FNBP1: variants seen among roughly 807,000 people sequenced by gnomAD.
The protein encoded by FNBP1 is formin binding protein 1.
In FNBP1, 26 loss-of-function variants were observed where a neutral mutation model predicts 90.6. The ratio of observed to expected loss-of-function variants is 0.29; its 90% CI spans 0.21 to 0.40. The LOEUF (loss-of-function observed/expected upper bound fraction) is 0.40, where lower values mean the gene tolerates loss of function less well. Ranked by LOEUF, FNBP1 falls within the 10% of genes least tolerant of loss-of-function variation. The probability of loss-of-function intolerance (pLI) is 1.00; values close to 1 mark genes in which losing one functional copy is unlikely to be tolerated. For synonymous variants in FNBP1, 260 were observed against 265.2 expected, an observed-to-expected ratio of 0.98 and a Z score of 0.19; for missense variants, 635 against 768.0, an observed-to-expected ratio of 0.83 and a Z score of 2.05.
chr9:129,958,985 C>CAAAAAAAAAAAAAA lies in FNBP1; in HGVS notation c.346-446_346-433dup, dbSNP rs60640596. 3.3e-3 allele frequency among the ~76,000 whole-genome samples: 30 copies of CAAAAAAAAAAAAAA among 9,152 alleles called. 9 individuals are homozygous for CAAAAAAAAAAAAAA. Among genetic ancestry groups the CAAAAAAAAAAAAAA allele is most frequent in the South Asian group, 0.022 (2 of 90 alleles). 6.0% of individuals were successfully genotyped at this position (9,152 alleles called of 152,430 possible). A position where few individuals can be genotyped will look rare whatever the true frequency, so the allele number is the denominator to read the frequency against. ...TGGATGACACAGTGAAACTCTGCCT[C>CAAAAAAAAAAAAAA]AAAAAAAAAAAAAAAAAAAAAAGGA... On this transcript the variant is annotated intron_variant, in intron 4 of 16. Coordinates refer to ENST00000446176, the MANE Select transcript of FNBP1 (RefSeq NM_015033.3).
In FNBP1 at chr9:129,910,504, A is replaced by AAAG. The variant is rs1298095363; in HGVS notation, c.1186-1506_1186-1505insCTT. 6.3e-3 allele frequency among the ~76,000 whole-genome samples: 650 copies of AAAG among 103,900 alleles called. 64 individuals carry two copies. Among genetic ancestry groups the AAAG allele is most frequent in the South Asian group, 0.013 (40 of 3,030 alleles). 68.2% of individuals were successfully genotyped at this position (103,900 alleles called of 152,430 possible). ...CTCAAAAAAACAAAAAAAAAAAAAA[A>AAAG]AGAGAGAGAGAAATTTCTTCAAATA... On this transcript the variant is annotated intron_variant, in intron 11 of 16. Coordinates refer to ENST00000446176, the MANE Select transcript of FNBP1 (RefSeq NM_015033.3).
At chr9:130,036,013 CTCA>C (rs2059279488) in intron 1 of FNBP1, among the ~76,000 whole-genome samples, 1 of 151,906 alleles carries the variant, frequency 6.6e-6, no homozygotes, top group Admixed American at 6.6e-5. Context: ...CATATTTGGC[CTCA>C]TCATTAAAAA....
chr9:129,962,166 T>C (rs565745581), intron 4 of FNBP1, among the ~76,000 whole-genome samples: 4 of 152,324 alleles, frequency 2.6e-5, no homozygotes, highest in African/African-American at 7.2e-5. Context: ...GTGCCCCGCA[T>C]GCAGCTAACC....
At chr9:129,946,032 A>G (rs3983770) in intron 6 of FNBP1, among the ~76,000 whole-genome samples, 137,103 of 152,064 alleles carry the variant, frequency 0.9, 61,939 homozygotes, top group Non-Finnish European at 0.92. Flanking sequence ...AGCCGGGTGT[A>G]GTGGCGTACG....
chr9:129,983,699 T>C lies in FNBP1; in HGVS notation c.141-4325A>G, dbSNP rs7028957. On this transcript the variant is annotated intron_variant, in intron 2 of 16. Transcript: ENST00000446176. ...GGTGGCACATACCTGAAGCCCCAGC[T>C]ACTTGGGAGGGTGAGGCAGGAGAAT... Among the ~76,000 whole-genome samples, 1,346 of 152,052 alleles carry C rather than the reference T, an allele frequency of 8.9e-3. 21 individuals carry two copies. Among genetic ancestry groups the C allele is most frequent in the African/African-American group, 0.03 (1,264 of 41,450 alleles).
chr9:129,927,353 G>T lies in FNBP1; in HGVS notation c.643-12C>A, dbSNP rs751513927. The T allele has an allele frequency of 6.2e-7, 1 of 1,606,044 alleles. No homozygotes were observed. The highest frequency in any genetic ancestry group is 1.7e-5 in the Admixed American group (1 of 59,460). On this transcript the variant is annotated splice_polypyrimidine_tract_variant and intron_variant, in intron 7 of 16. Transcript: ENST00000446176. ...ATCTCTTGTATTTTCTGCAACATTA[G>T]ATTTTGTATAAAGTAAGTTTGGTCC...
intron 6 of FNBP1, among the ~76,000 whole-genome samples, chr9:129,945,298 C>A (rs558828460): frequency 9.9e-5 from 15 of 152,178 alleles, no homozygotes; most frequent in Non-Finnish European, 1.9e-4. Flanking sequence ...CAATAAAAAG[C>A]ATTTGAAACT....
chr9:130,006,444 G>C (rs929689937), intron 1 of FNBP1, among the ~76,000 whole-genome samples: 27 of 151,646 alleles, frequency 1.8e-4, no homozygotes, highest in African/African-American at 6.5e-4. Flanking sequence ...GCAGTGAGCT[G>C]AGATTATGCC....
chr9:129,925,631 T>C (rs1465062057), intron 8 of FNBP1, among the ~76,000 whole-genome samples: 1 of 110,902 alleles, frequency 9.0e-6, no homozygotes, highest in Non-Finnish European at 1.7e-5. Context: ...TCTCAATCTG[T>C]TACCCAGGCT....
chr9:129,900,208 G>T lies in FNBP1; in HGVS notation c.1551-107C>A. 7.8e-7 allele frequency: 1 copy of T among 1,289,340 alleles called. No individual in the cohort carries two copies. Among genetic ancestry groups the T allele is most frequent in the Non-Finnish European group, 1.0e-6 (1 of 957,070 alleles). 79.9% of individuals were successfully genotyped at this position (1,289,340 alleles called of 1,614,324 possible). A position where few individuals can be genotyped will look rare whatever the true frequency, so the allele number is the denominator to read the frequency against. ...CACTTGCAACCCCGCCCCTCAGCGA[G>T]TGCTGTAACTGAGGCCATGGTAAAT... On this transcript the variant is annotated intron_variant, in intron 14 of 16. Coordinates refer to ENST00000446176, the MANE Select transcript of FNBP1 (RefSeq NM_015033.3). This position sits in a 1 kb window ranked among gnomAD's most constrained non-coding sequence, Gnocchi z 4.1.
At chr9:129,956,426 C>T (rs1001425693) in intron 6 of FNBP1, among the ~76,000 whole-genome samples, 2 of 152,046 alleles carry the variant, frequency 1.3e-5, no homozygotes, top group Non-Finnish European at 2.9e-5. Context: ...TATGTAAAAG[C>T]CTAATTTTGT....
intron 2 of FNBP1, among the ~76,000 whole-genome samples, chr9:129,990,951 T>G (rs573335266): frequency 2.7e-5 from 4 of 150,166 alleles, no homozygotes; most frequent in African/African-American, 9.8e-5. Flanking sequence ...TTTTTTTTTT[T>G]GAGATGGAGT....
chr9:130,023,990 G>A (rs2058100015), intron 1 of FNBP1, among the ~76,000 whole-genome samples: 2 of 152,078 alleles, frequency 1.3e-5, no homozygotes, highest in Admixed American at 1.3e-4. Flanking sequence ...GGCCACATCT[G>A]AAGAATCAAC....
intron 1 of FNBP1, among the ~76,000 whole-genome samples, chr9:130,038,554 GC>G (rs2059555212): frequency 6.6e-6 from 1 of 151,492 alleles, no homozygotes; most frequent in Non-Finnish European, 1.5e-5. Context: ...GGACCACCAC[GC>G]CCGGCTAATT....
In FNBP1 at chr9:130,023,793, G is replaced by A. The variant is rs541210317; in HGVS notation, c.24+19159C>T. Among the ~76,000 whole-genome samples, 8 of 152,142 alleles carry A rather than the reference G, an allele frequency of 5.3e-5. No homozygotes were observed. The South Asian group carries it at 1.7e-3, about 32-fold the overall frequency. On this transcript the variant is annotated intron_variant, in intron 1 of 16. Transcript: ENST00000446176. Reference sequence around the variant, plus strand: ...TCGTGAGCATTTGGCATCTTACTCAGTTTCCCTGGACTCAATCTTCCATCC... The same window carrying A: ...TCGTGAGCATTTGGCATCTTACTCAATTTCCCTGGACTCAATCTTCCATCC...
At chr9:130,040,842 T>C (rs1005357149) in intron 1 of FNBP1, among the ~76,000 whole-genome samples, 1 of 152,102 alleles carries the variant, frequency 6.6e-6, no homozygotes, top group African/African-American at 2.4e-5. Context: ...TGAATACTTC[T>C]GTACTCAGCA....
chr9:130,030,702 G>A (rs1312241195), intron 1 of FNBP1, among the ~76,000 whole-genome samples: 2 of 152,126 alleles, frequency 1.3e-5, no homozygotes, highest in Non-Finnish European at 2.9e-5. Flanking sequence ...CCTACAGGGC[G>A]AGAACGTACG....
chr9:130,042,067 G>A lies in FNBP1; in HGVS notation c.24+885C>T, dbSNP rs1258269369. Among the ~76,000 whole-genome samples the A allele has an allele frequency of 6.6e-6, 1 of 152,006 alleles. No homozygotes were observed. The highest frequency in any genetic ancestry group is 1.5e-5 in the Non-Finnish European group (1 of 67,998). On this transcript the variant is annotated intron_variant, in intron 1 of 16. Transcript: ENST00000446176. The surrounding 1 kb of genome is among the most constrained non-coding windows in gnomAD (Gnocchi z 5.5). Reference sequence around the variant, plus strand: ...CCAGTGATTTCCCCAGGAATCCGGGGACGGCAGGAAAAGAGCTCCATCCAC... The same window carrying A: ...CCAGTGATTTCCCCAGGAATCCGGGAACGGCAGGAAAAGAGCTCCATCCAC...
chr9:130,040,843 G>A (rs1251575722), intron 1 of FNBP1, among the ~76,000 whole-genome samples: 1 of 151,876 alleles, frequency 6.6e-6, no homozygotes, highest in South Asian at 2.1e-4. Flanking sequence ...GAATACTTCT[G>A]TACTCAGCAT....
Sources: allele counts gnomAD v4.1 joint callset (sites outside exome capture counted in the v4.1 genomes callset), GRCh38; gene constraint gnomAD v4.1.1; non-coding constraint Gnocchi (gnomAD v3.1); transcripts MANE v1.5; gene names NCBI Gene and HGNC (gene_info 2026-07-23, HGNC 2026-07-21).